POLM: variants seen among roughly 807,000 people sequenced by gnomAD.
The protein encoded by POLM is DNA-directed DNA/RNA polymerase mu.
In POLM, 52 loss-of-function variants were observed where a neutral mutation model predicts 56.7. That is an observed-to-expected ratio of 0.92 (90% CI 0.73 to 1.15). The LOEUF is 1.15. POLM is among the 50% of genes most tolerant of loss of function. The pLI is 0.00. For missense variants in POLM, 660 were observed against 663.6 expected (o/e 0.99, Z 0.06); for synonymous variants, 273 against 274.3 (o/e 1.00, Z 0.05).
At chr7:44,081,551 T>A (rs1359218197) in intron 1 of POLM, among the ~76,000 whole-genome samples, 1 of 152,156 alleles carries the variant, frequency 6.6e-6, no homozygotes, top group Non-Finnish European at 1.5e-5. Context: ...CACCCCCAGC[T>A]CCCTTACTCT....
intron 4 of POLM, 104 bp from the exon 5 acceptor site, chr7:44,078,915 C>T: frequency 1.2e-6 from 1 of 808,518 alleles, no homozygotes; most frequent in South Asian, 1.7e-5. Context: ...TGAGGCAGTC[C>T]CCTCCAACAC....
intron 10 of POLM, 29 bp from the exon 11 acceptor site, chr7:44,073,406 T>C (rs1261548598): frequency 6.2e-7 from 1 of 1,609,162 alleles, no homozygotes; most frequent in Non-Finnish European, 8.5e-7. Flanking sequence ...TTCCGTGACC[T>C]AGGAGTCTTG....
At position 44,080,924 on chromosome 7, in the gene POLM, A is replaced by G. The variant is rs760852517; in HGVS notation, c.189-8T>C. 1 of 1,554,322 alleles carries G rather than the reference A, an allele frequency of 6.4e-7. No homozygotes were observed. ...ACATGTGTCGCTTCGGAGCTGGTGG[A>G]GGGAGTTGGGAGAGAAGGAGGAGGG... is the stretch of plus-strand genomic sequence containing the variant. On this transcript the variant is annotated splice_polypyrimidine_tract_variant and splice_region_variant and intron_variant, in intron 1 of 10. Coordinates refer to ENST00000242248, the MANE Select transcript of POLM (RefSeq NM_013284.4).
chr7:44,079,540 CA>C, intron 4 of POLM, 30 bp downstream of exon 4: 1 of 1,504,320 alleles, frequency 6.6e-7, no homozygotes, highest in Non-Finnish European at 9.2e-7. Context: ...CCCACCCACC[CA>C]CTCACCCTGC....
Position 44,073,268 on chromosome 7 carries a change from G to A in POLM, c.*23C>T. 1 of 1,614,218 alleles carries A rather than the reference G, an allele frequency of 6.2e-7. No homozygotes were observed. The highest frequency in any genetic ancestry group is 1.7e-4 in the Middle Eastern group (1 of 6,060). Reference sequence around the variant, plus strand: ...TTGGGGGCAGCCCAATTTCCTGAGTGGAAGTGGGGGACACAGGCAGGCTCA... The same window carrying A: ...TTGGGGGCAGCCCAATTTCCTGAGTAGAAGTGGGGGACACAGGCAGGCTCA... On this transcript the variant is annotated 3_prime_UTR_variant, in exon 11 of 11. Coordinates refer to ENST00000242248, the MANE Select transcript of POLM (RefSeq NM_013284.4).
In POLM at chr7:44,078,756, C is replaced by T. The variant is rs151259046; in HGVS notation, c.698G>A (p.Arg233Lys). 2.5e-6 allele frequency: 4 copies of T among 1,614,032 alleles called. No homozygotes were observed. The highest frequency in any genetic ancestry group is 3.4e-6 in the Non-Finnish European group (4 of 1,179,938). ...EEVERVRRSE[R>K]YQTMKLFTQI... Reference sequence around the variant, plus strand: ...CCTGCGCACCTTCATGGTCTGGTACCTCTCTGAGCGCCGAACTCTCTCCAC... The same window carrying T: ...CCTGCGCACCTTCATGGTCTGGTACTTCTCTGAGCGCCGAACTCTCTCCAC... Residue 233 changes from arginine (R) to lysine (K), a missense_variant, in exon 5 of 11, where the codon AGG (arginine) becomes AAG (lysine). Arg to Lys is a conservative substitution (Grantham distance 26, BLOSUM62 2). Transcript: ENST00000242248.
chr7:44,079,775 G>A lies in POLM; in HGVS notation c.472-34C>T, dbSNP rs762647517. 3.1e-6 allele frequency: 5 copies of A among 1,610,646 alleles called. No homozygotes were observed. In the East Asian group the frequency reaches 6.7e-5, roughly 22 times the overall value. On this transcript the variant is annotated intron_variant, in intron 3 of 10. Coordinates refer to ENST00000242248, the MANE Select transcript of POLM (RefSeq NM_013284.4). ...AGGGGCCCTAGGTAAGGGGCAGGGT[G>A]GGCAGCTCCAATCCCCCACCTACCA...
chr7:44,073,188 G>A lies in POLM; in HGVS notation c.*103C>T. 1 of 1,592,488 alleles carries A rather than the reference G, an allele frequency of 6.3e-7. No homozygotes were observed. Among genetic ancestry groups the A allele is most frequent in the Non-Finnish European group, 8.6e-7 (1 of 1,168,780 alleles). ...AAGAGCCAGGCCTTGGCGGGGAGGG[G>A]TGAAGGTGGGGGTCAGGGGGCAGCA... On this transcript the variant is annotated 3_prime_UTR_variant, in exon 11 of 11. Coordinates refer to ENST00000242248, the MANE Select transcript of POLM (RefSeq NM_013284.4).
At chr7:44,074,266 C>A in intron 7 of POLM, 33 bp from the exon 8 acceptor site, 1 of 1,550,524 alleles carries the variant, frequency 6.4e-7, no homozygotes, top group Non-Finnish European at 8.7e-7. Context: ...GACTCAGGGA[C>A]ACGGCCTGCT....
At chr7:44,081,271 A>G (rs1039506294) in intron 1 of POLM, among the ~76,000 whole-genome samples, 1 of 152,062 alleles carries the variant, frequency 6.6e-6, no homozygotes, top group Non-Finnish European at 1.5e-5. Context: ...TTGGGTCTGA[A>G]CCCCAGCTCT....
Position 44,076,537 on chromosome 7 carries a change from G to A in POLM, c.807C>T (p.Pro269=). 6.2e-7 allele frequency: 1 copy of A among 1,614,036 alleles called. No homozygotes were observed. The highest frequency in any genetic ancestry group is 8.5e-7 in the Non-Finnish European group (1 of 1,180,000). ...CTTTCTGCTGTTGGGTTAGTTTCTGGGGCTGCTCTCGGAGGTCATCTAAGG... is the reference window on the plus strand; with the variant it reads ...CTTTCTGCTGTTGGGTTAGTTTCTGAGGCTGCTCTCGGAGGTCATCTAAGG... ...LRTLDDLREQ[P]QKLTQQQKAG... Residue 269 remains proline, a synonymous_variant, in exon 6 of 11, where the codon CCC becomes CCT. Transcript: ENST00000242248.
intron 5 of POLM, among the ~76,000 whole-genome samples, chr7:44,077,642 C>T (rs2128801880): frequency 6.6e-6 from 1 of 152,250 alleles, no homozygotes; most frequent in South Asian, 2.1e-4. Flanking sequence ...ATCTTCAGGC[C>T]CCTCACTCCC....
At chr7:44,080,971 G>A (rs1298149818) in intron 1 of POLM, 55 bp from the exon 2 acceptor site, 1 of 1,465,132 alleles carries the variant, frequency 6.8e-7, no homozygotes, top group Non-Finnish European at 9.2e-7. Context: ...GCCCGTCCTG[G>A]TTGGCTCCAA....
At chr7:44,080,625 C>T in intron 2 of POLM, 108 bp downstream of exon 2, 1 of 1,212,932 alleles carries the variant, frequency 8.2e-7, no homozygotes, top group South Asian at 1.3e-5. Context: ...TGCCCACCTC[C>T]TCTGAAGGAC....
In POLM at chr7:44,074,549, C is replaced by G. The variant is rs757230474; in HGVS notation, c.836-19G>C. The G allele has an allele frequency of 3.3e-6, 5 of 1,535,228 alleles. No homozygotes were observed. The East Asian group carries it at 7.0e-5, about 21-fold the overall frequency. On this transcript the variant is annotated intron_variant, in intron 6 of 10. Transcript: ENST00000242248. ...TGGAGCCCTGGGGGCAACACCGGCC[C>G]TCCTGACTCACCCAGCCTGCCCACC...
rs190595097 is a variant in POLM, at chr7:44,081,328, C to T, written c.189-412G>A. 4.8e-3 allele frequency among the ~76,000 whole-genome samples: 726 copies of T among 152,352 alleles called. 5 individuals carry two copies. The highest frequency in any genetic ancestry group is 0.01 in the Middle Eastern group (3 of 294). ...CTCTTGGGCAAGCCACGTGTCTATA[C>T]TTTGATTTCCTCTTCTGTAAAGCAG... On this transcript the variant is annotated intron_variant, in intron 1 of 10. Transcript: ENST00000242248.
In POLM at chr7:44,073,310, G is replaced by A; in HGVS notation, c.1466C>T (p.Pro489Leu). 6.2e-7 allele frequency: 1 copy of A among 1,614,184 alleles called. No homozygotes were observed. The highest frequency in any genetic ancestry group is 8.5e-7 in the Non-Finnish European group (1 of 1,180,002). Residue 489 changes from proline to leucine, a missense_variant, in exon 11 of 11, where the codon CCA becomes CTA. Coordinates refer to ENST00000242248, the MANE Select transcript of POLM (RefSeq NM_013284.4). ...GCAGGCTCAGGCGTTTCTCTGCTCT[G>A]GAGGAAGGTACTCAAGGCCCAGGTG... is the stretch of plus-strand genomic sequence containing the variant. Reference protein sequence around the residue: ...FRHLGLEYLPPEQRNA With the variant: ...FRHLGLEYLPLEQRNA
Position 44,078,762 on chromosome 7 carries a change from G to A in POLM, c.692C>T (p.Ser231Leu), listed in dbSNP as rs2096190877. The A allele has an allele frequency of 6.2e-7, 1 of 1,614,030 alleles. No homozygotes were observed. The highest frequency in any genetic ancestry group is 2.2e-5 in the East Asian group (1 of 44,878). The change falls in exon 5 of 11, where the codon TCA becomes TTA. Residue 231 changes from serine (S) to leucine (L), a missense_variant. Physicochemically the swap from Ser to Leu is moderately radical, Grantham distance 145. Transcript: ENST00000242248. Reference sequence around the variant, plus strand: ...CACCTTCATGGTCTGGTACCTCTCTGAGCGCCGAACTCTCTCCACCTCCTC... The same window carrying A: ...CACCTTCATGGTCTGGTACCTCTCTAAGCGCCGAACTCTCTCCACCTCCTC... ...VCEEVERVRRSERYQTMKLFT... is the reference protein window; with the variant it reads ...VCEEVERVRRLERYQTMKLFT...
intron 8 of POLM, 36 bp downstream of exon 8, chr7:44,074,094 GC>G (rs1473750360): frequency 6.2e-7 from 1 of 1,606,582 alleles, no homozygotes; most frequent in Non-Finnish European, 8.5e-7. Context: ...AGTGGCATTG[GC>G]CAGCGGTGGC....
Sources: gnomAD v4.1 joint callset for allele counts (sites outside exome capture counted in the v4.1 genomes callset) on GRCh38, gnomAD v4.1.1 for gene constraint, MANE v1.5 for transcripts, NCBI Gene and HGNC (gene_info 2026-07-23, HGNC 2026-07-21) for gene names.